Variants in FBXL17 observed in about 807,000 individuals in gnomAD.
FBXL17 encodes the protein F-box/LRR-repeat protein 17.
In FBXL17, 22 loss-of-function variants were observed where a neutral mutation model predicts 66.2. The ratio of observed to expected loss-of-function variants is 0.33; its 90% CI spans 0.24 to 0.47. The LOEUF (loss-of-function observed/expected upper bound fraction) is 0.47. Ranked by LOEUF, FBXL17 falls within the 20% of genes least tolerant of loss-of-function variation. FBXL17 has a pLI of 1.00. For synonymous variants in FBXL17, 474 were observed against 400.5 expected (o/e 1.18, Z -2.19); for missense variants, 878 against 948.2 (o/e 0.93, Z 0.97).
intron 7 of FBXL17, among the ~76,000 whole-genome samples, chr5:107,921,906 A>G (rs1750335412): frequency 6.6e-6 from 1 of 152,218 alleles, no homozygotes; most frequent in South Asian, 2.1e-4. Flanking sequence ...TGGGTGGGGC[A>G]GTATTGCTGG....
At chr5:108,148,809 T>A (rs977762042) in intron 6 of FBXL17, among the ~76,000 whole-genome samples, 2 of 152,214 alleles carry the variant, frequency 1.3e-5, no homozygotes. Flanking sequence ...TATGTAATTC[T>A]GATGGCTGCC....
intron 6 of FBXL17, among the ~76,000 whole-genome samples, chr5:108,064,959 TA>T (rs1696892387): frequency 6.6e-6 from 1 of 152,094 alleles, no homozygotes; most frequent in Non-Finnish European, 1.5e-5. Context: ...TTAGATATTT[TA>T]TTTTTTTATT....
chr5:108,023,016 G>C (rs1486819849), intron 6 of FBXL17, among the ~76,000 whole-genome samples: 1 of 152,060 alleles, frequency 6.6e-6, no homozygotes, highest in South Asian at 2.1e-4. Flanking sequence ...CAGTGGCCAA[G>C]AGACAACACA....
intron 6 of FBXL17, among the ~76,000 whole-genome samples, chr5:108,024,127 T>C (rs1298282555): frequency 2.6e-5 from 4 of 152,078 alleles, no homozygotes; most frequent in Non-Finnish European, 4.4e-5. Flanking sequence ...TCTCTATGGA[T>C]CAGTAGGTTC....
At chr5:107,959,381 AACACACACAC>A (rs57041975) in intron 7 of FBXL17, among the ~76,000 whole-genome samples, 33,478 of 147,960 alleles carry the variant, frequency 0.23, 4,103 homozygotes, top group Middle Eastern at 0.31. Flanking sequence ...GGCTGCTATA[AACACACACAC>A]ACACACACAC....
At chr5:108,177,482 T>A (rs1752834901) in intron 6 of FBXL17, among the ~76,000 whole-genome samples, 1 of 152,196 alleles carries the variant, frequency 6.6e-6, no homozygotes, top group Non-Finnish European at 1.5e-5. Flanking sequence ...TGAGGTCGGA[T>A]GACCATTTAA....
chr5:108,238,471 G>A (rs1022649869), intron 4 of FBXL17, among the ~76,000 whole-genome samples: 1 of 152,104 alleles, frequency 6.6e-6, no homozygotes, highest in African/African-American at 2.4e-5. Flanking sequence ...GTATTAAAAT[G>A]GTCATTTGCA....
chr5:108,009,824 T>C (rs1000494567), intron 7 of FBXL17, among the ~76,000 whole-genome samples: 10 of 152,170 alleles, frequency 6.6e-5, no homozygotes, highest in African/African-American at 2.4e-4. Context: ...ATCTGTCTGG[T>C]TCTTTGCCTC....
intron 4 of FBXL17, among the ~76,000 whole-genome samples, chr5:108,265,014 A>G (rs1339604274): frequency 6.6e-6 from 1 of 151,990 alleles, no homozygotes; most frequent in Non-Finnish European, 1.5e-5. Flanking sequence ...CCTCTATATT[A>G]AAAGATTATA....
chr5:107,956,186 T>C (rs994683452), intron 7 of FBXL17, among the ~76,000 whole-genome samples: 1 of 152,186 alleles, frequency 6.6e-6, no homozygotes, highest in Non-Finnish European at 1.5e-5. Flanking sequence ...GATGAATGTA[T>C]AGATAATAGA....
intron 6 of FBXL17, among the ~76,000 whole-genome samples, chr5:108,077,760 TG>T (rs1441679424): frequency 2.6e-5 from 4 of 152,222 alleles, no homozygotes; most frequent in African/African-American, 4.8e-5. Context: ...CAATTTGGAC[TG>T]AATCCTGAAT....
chr5:108,339,287 T>C (rs1746723203), intron 4 of FBXL17, among the ~76,000 whole-genome samples: 1 of 152,152 alleles, frequency 6.6e-6, no homozygotes, highest in African/African-American at 2.4e-5. Flanking sequence ...ATCCAAATAA[T>C]ACATTTCACT....
In FBXL17 at chr5:107,964,314, G is replaced by C. The variant is rs1011956140; in HGVS notation, c.1822+56611C>G. Among the ~76,000 whole-genome samples, 6 of 152,152 alleles carry C rather than the reference G, an allele frequency of 3.9e-5. No individual in the cohort carries two copies. The East Asian group carries it at 1.2e-3, about 29-fold the overall frequency. On this transcript the variant is annotated intron_variant, in intron 7 of 8. Transcript: ENST00000542267. ...AACAACAACAATAAAAATCACAGGG[G>C]ATGCAGTGTATAGGCAAAGTACAAT...
chr5:108,201,076 C>T lies in FBXL17; in HGVS notation c.1615-14829G>A, dbSNP rs370002221. Among the ~76,000 whole-genome samples, 243 of 152,214 alleles carry T rather than the reference C, an allele frequency of 1.6e-3. 7 individuals carry two copies. In the South Asian group the frequency reaches 0.047, roughly 29 times the overall value. ...TGTCTCATAAATAACTAACTTCTAA[C>T]GATTAATAACAGGGAATTACTATGA... is the stretch of plus-strand genomic sequence containing the variant. On this transcript the variant is annotated intron_variant, in intron 5 of 8. Transcript: ENST00000542267.
At chr5:108,317,122 A>G (rs984911548) in intron 4 of FBXL17, among the ~76,000 whole-genome samples, 3 of 151,328 alleles carry the variant, frequency 2.0e-5, no homozygotes, top group Non-Finnish European at 4.4e-5. Context: ...ATGCAAAGCT[A>G]AATCTTAGCT....
intron 7 of FBXL17, among the ~76,000 whole-genome samples, chr5:107,934,874 T>G (rs1321388096): frequency 6.6e-6 from 1 of 152,172 alleles, no homozygotes; most frequent in African/African-American, 2.4e-5. Context: ...TTGGAAAGAA[T>G]ATAATGTCAT....
chr5:107,938,128 G>A (rs1341497676), intron 7 of FBXL17, among the ~76,000 whole-genome samples: 1 of 152,102 alleles, frequency 6.6e-6, no homozygotes, highest in Non-Finnish European at 1.5e-5. Flanking sequence ...CTTGACGACA[G>A]GCTTCTTGTG....
At chr5:108,359,306 T>C (rs1269564573) in intron 3 of FBXL17, among the ~76,000 whole-genome samples, 1 of 152,106 alleles carries the variant, frequency 6.6e-6, no homozygotes, top group Non-Finnish European at 1.5e-5. Flanking sequence ...TCCTCTATCA[T>C]GTTTATCTCT....
At chr5:108,135,274 A>G (rs1047643633) in intron 6 of FBXL17, among the ~76,000 whole-genome samples, 2 of 152,162 alleles carry the variant, frequency 1.3e-5, no homozygotes, top group Non-Finnish European at 2.9e-5. Flanking sequence ...AACACTCCTT[A>G]TAACAGCTCC....
Sources: allele counts gnomAD v4.1 joint callset (sites outside exome capture counted in the v4.1 genomes callset), GRCh38; gene constraint gnomAD v4.1.1; transcripts MANE v1.5; gene names NCBI Gene and HGNC (gene_info 2026-07-23, HGNC 2026-07-21).